The following EPHA4 variants were observed in gnomAD, a reference collection of about 807,000 sequenced individuals.
EPHA4 encodes ephrin type-A receptor 4.
In EPHA4, 19 loss-of-function variants were observed where a neutral mutation model predicts 108.3. The observed-to-expected ratio is 0.18, with a 90% confidence interval of 0.12 to 0.26. EPHA4 has a LOEUF of 0.26. Among genes scored for constraint, EPHA4 ranks in the 10% least tolerant of loss-of-function variants. EPHA4 has a pLI of 1.00. For synonymous variants in EPHA4, 449 were observed against 455.5 expected, an observed-to-expected ratio of 0.99 and a Z score of 0.18; for missense variants, 917 against 1,254.0, an observed-to-expected ratio of 0.73 and a Z score of 4.06.
At chr2:221,439,709 C>T (rs1359619257) in intron 11 of EPHA4, among the ~76,000 whole-genome samples, 1 of 151,936 alleles carries the variant, frequency 6.6e-6, no homozygotes, top group Non-Finnish European at 1.5e-5. Flanking sequence ...AATCAACCTG[C>T]CTCAATCAAA....
intron 3 of EPHA4, among the ~76,000 whole-genome samples, chr2:221,563,142 C>T (rs529723385): frequency 4.5e-4 from 69 of 152,236 alleles, no homozygotes; most frequent in African/African-American, 1.5e-3. Flanking sequence ...GAGAACCCAT[C>T]GGTGGGTGTT....
At chr2:221,492,241 C>T (rs1692166590) in intron 4 of EPHA4, among the ~76,000 whole-genome samples, 1 of 152,170 alleles carries the variant, frequency 6.6e-6, no homozygotes, top group Non-Finnish European at 1.5e-5. Context: ...TTATTCAAGC[C>T]TTCCACTTGG....
chr2:221,442,739 G>T, intron 11 of EPHA4, 90 bp downstream of exon 11: 1 of 1,358,278 alleles, frequency 7.4e-7, no homozygotes, highest in Non-Finnish European at 1.0e-6. Flanking sequence ...CAGTGGGTCT[G>T]CGCCATCTGT....
At position 221,435,937 on chromosome 2, in the gene EPHA4, CA is replaced by C. The variant is rs11419419; in HGVS notation, c.2346+461del. Among the ~76,000 whole-genome samples, 615 of 137,934 alleles carry C rather than the reference CA, an allele frequency of 4.5e-3. 5 individuals are homozygous for C. Among genetic ancestry groups the C allele is most frequent in the African/African-American group, 0.013 (489 of 37,116 alleles). The allele number at this position is 137,934 out of a possible 152,430, so 90.5% of individuals were successfully genotyped here. A position where few individuals can be genotyped will look rare whatever the true frequency, so the allele number is the denominator to read the frequency against. On this transcript the variant is annotated intron_variant, in intron 13 of 17. Coordinates refer to ENST00000281821, the MANE Select transcript of EPHA4 (RefSeq NM_004438.5). The stretch of plus-strand genomic sequence containing the variant: ...GCAAATACAAAACCTAAAACAACAA[CA>C]AAAAAAAAAAAAGGAAGAAAGAGGC...
chr2:221,499,243 AAATAT>A (rs1692399242), intron 4 of EPHA4, among the ~76,000 whole-genome samples: 1 of 147,990 alleles, frequency 6.8e-6, no homozygotes, highest in Non-Finnish European at 1.5e-5. Flanking sequence ...ATAATAATAT[AAATAT>A]AATAATAATA....
intron 16 of EPHA4, 121 bp from the exon 17 acceptor site, chr2:221,426,263 G>A (rs534094512): frequency 1.9e-6 from 2 of 1,042,324 alleles, no homozygotes; most frequent in East Asian, 2.5e-5. Flanking sequence ...AACAAGGCAG[G>A]TGTATTAAAA....
intron 13 of EPHA4, among the ~76,000 whole-genome samples, chr2:221,435,544 G>T (rs1423142319): frequency 6.6e-6 from 1 of 152,094 alleles, no homozygotes; most frequent in African/African-American, 2.4e-5. Context: ...GATTGCAGAT[G>T]CAAAATGAAG....
intron 9 of EPHA4, among the ~76,000 whole-genome samples, chr2:221,444,024 T>C (rs930519447): frequency 6.6e-6 from 1 of 152,228 alleles, no homozygotes; most frequent in East Asian, 1.9e-4. Context: ...TCTTTCCACA[T>C]GGTGTCACAT....
chr2:221,531,648 C>G (rs1693518194), intron 3 of EPHA4, among the ~76,000 whole-genome samples: 1 of 150,950 alleles, frequency 6.6e-6, no homozygotes, highest in African/African-American at 2.4e-5. Context: ...ATCTAAAAAG[C>G]TTTTTTTTTC....
chr2:221,458,663 G>A (rs996961433), intron 5 of EPHA4, among the ~76,000 whole-genome samples: 1 of 152,170 alleles, frequency 6.6e-6, no homozygotes, highest in Non-Finnish European at 1.5e-5. Context: ...TTTCCACTGC[G>A]AAGGACACAA....
chr2:221,524,868 G>C (rs1332548226), intron 3 of EPHA4, among the ~76,000 whole-genome samples: 1 of 152,036 alleles, frequency 6.6e-6, no homozygotes, highest in Non-Finnish European at 1.5e-5. Context: ...TCATACTTAA[G>C]GTATGTGTTT....
intron 2 of EPHA4, among the ~76,000 whole-genome samples, chr2:221,565,725 T>G (rs1694610622): frequency 6.6e-6 from 1 of 152,216 alleles, no homozygotes; most frequent in East Asian, 1.9e-4. Context: ...GTAAGTGCCC[T>G]GTGGTGATGA....
intron 14 of EPHA4, among the ~76,000 whole-genome samples, chr2:221,433,936 T>C (rs1006392231): frequency 6.6e-6 from 1 of 152,228 alleles, no homozygotes; most frequent in Non-Finnish European, 1.5e-5. Flanking sequence ...CTATCTCCCA[T>C]ACTGTACCAT....
At chr2:221,533,136 C>T (rs1050612186) in intron 3 of EPHA4, 1 of 152,116 alleles carries the variant, frequency 6.6e-6, no homozygotes, top group Non-Finnish European at 1.5e-5. Context: ...TCATCTGAGC[C>T]ATACATATGG....
In EPHA4 at chr2:221,480,952, A is replaced by T. The variant is rs150413507; in HGVS notation, c.1318+1400T>A. ...CTTACTGAAACATTCATTTAAAAGAAAAGTGCAGTTAGAGGCGATAGGATT... is the reference window on the plus strand; with the variant it reads ...CTTACTGAAACATTCATTTAAAAGATAAGTGCAGTTAGAGGCGATAGGATT... On this transcript the variant is annotated intron_variant, in intron 5 of 17. Coordinates refer to ENST00000281821, the MANE Select transcript of EPHA4 (RefSeq NM_004438.5). 2.0e-4 allele frequency among the ~76,000 whole-genome samples: 31 copies of T among 152,344 alleles called. No homozygotes were observed. The East Asian group carries it at 5.4e-3, about 27-fold the overall frequency.
At chr2:221,430,920 T>C (rs947044138) in intron 14 of EPHA4, among the ~76,000 whole-genome samples, 28 of 152,184 alleles carry the variant, frequency 1.8e-4, no homozygotes, top group African/African-American at 6.5e-4. Context: ...GCCAAGACCA[T>C]CCAGAGTGCC....
chr2:221,422,337 T>C (rs1689783478), intron 17 of EPHA4, among the ~76,000 whole-genome samples: 1 of 152,138 alleles, frequency 6.6e-6, no homozygotes, highest in South Asian at 2.1e-4. Flanking sequence ...AACGCTAGAG[T>C]GTATTCCACG....
intron 8 of EPHA4, among the ~76,000 whole-genome samples, chr2:221,450,047 G>A (rs891478789): frequency 3.3e-5 from 5 of 152,210 alleles, no homozygotes; most frequent in African/African-American, 1.2e-4. Flanking sequence ...AAGTTGTTTA[G>A]AAATGTTCCC....
chr2:221,516,145 A>G (rs1296154634), intron 3 of EPHA4, among the ~76,000 whole-genome samples: 1 of 152,116 alleles, frequency 6.6e-6, no homozygotes, highest in Non-Finnish European at 1.5e-5. Flanking sequence ...GTAGAAGTGG[A>G]GGAAGTGAAT....
Sources: gnomAD v4.1 joint callset for allele counts (sites outside exome capture counted in the v4.1 genomes callset) on GRCh38, gnomAD v4.1.1 for gene constraint, MANE v1.5 for transcripts, NCBI Gene and HGNC (gene_info 2026-07-23, HGNC 2026-07-21) for gene names.